Variants in LRP1B observed in about 807,000 individuals in gnomAD.
The protein encoded by LRP1B is low-density lipoprotein receptor-related protein 1B.
Under a neutral mutation model 556.6 loss-of-function variants are expected in LRP1B, and 217 were observed. The observed-to-expected ratio is 0.39, with a 90% CI of 0.35 to 0.44. The LOEUF (loss-of-function observed/expected upper bound fraction) is 0.44, where lower values mean the gene tolerates loss of function less well. Among genes scored for constraint, LRP1B ranks in the 20% least tolerant of loss-of-function variants. The pLI is 1.00. For missense variants in LRP1B, 5,053 were observed against 5,620.8 expected (o/e 0.90, Z 3.23); for synonymous variants, 2,047 against 1,865.8 (o/e 1.10, Z -2.50).
chr2:140,888,246 C>G (rs966359007), intron 23 of LRP1B, among the ~76,000 whole-genome samples: 2 of 152,002 alleles, frequency 1.3e-5, no homozygotes, highest in Non-Finnish European at 2.9e-5. Context: ...CAATTTAGTT[C>G]TGTTTCTTTT....
At chr2:140,475,100 CT>C (rs768858290) in intron 60 of LRP1B, 37 bp downstream of exon 60, 69 of 1,028,086 alleles carry the variant, frequency 6.7e-5, no homozygotes, top group Non-Finnish European at 5.3e-6. Flanking sequence ...ATTTTATGAC[CT>C]GGTAAAATAC....
At chr2:141,659,626 G>A (rs1690137516) in intron 2 of LRP1B, among the ~76,000 whole-genome samples, 1 of 152,224 alleles carries the variant, frequency 6.6e-6, no homozygotes, top group South Asian at 2.1e-4. Context: ...TGAGTCTGAA[G>A]TGGACGACCT....
intron 7 of LRP1B, among the ~76,000 whole-genome samples, chr2:141,075,963 T>G (rs1460685133): frequency 6.6e-6 from 1 of 152,224 alleles, no homozygotes; most frequent in African/African-American, 2.4e-5. Context: ...AATATTGCAG[T>G]GATGATAAAA....
At chr2:141,102,404 T>G (rs1259073590) in intron 7 of LRP1B, among the ~76,000 whole-genome samples, 1 of 152,112 alleles carries the variant, frequency 6.6e-6, no homozygotes. Context: ...ACATCACTTC[T>G]GTCACTGGGA....
chr2:140,259,858 T>C (rs1233837357), intron 86 of LRP1B, among the ~76,000 whole-genome samples: 2 of 151,814 alleles, frequency 1.3e-5, no homozygotes, highest in South Asian at 2.1e-4. Context: ...GAGAGGTCAA[T>C]TGTAGCCATG....
chr2:142,012,148 T>A (rs1702977393), intron 1 of LRP1B, among the ~76,000 whole-genome samples: 1 of 152,102 alleles, frequency 6.6e-6, no homozygotes, highest in Admixed American at 6.5e-5. Context: ...TTAATCAAAT[T>A]TTTAAAACCT....
chr2:140,679,400 T>C (rs1685785354), intron 41 of LRP1B, among the ~76,000 whole-genome samples: 1 of 152,248 alleles, frequency 6.6e-6, no homozygotes, highest in South Asian at 2.1e-4. Flanking sequence ...GAATTATTTC[T>C]AGAGCAGGTT....
At chr2:141,709,389 T>TAA (rs371579825) in intron 2 of LRP1B, among the ~76,000 whole-genome samples, 8,616 of 151,684 alleles carry the variant, frequency 0.057, 306 homozygotes, top group South Asian at 0.11. Context: ...TAAAATAAAA[T>TAA]AAAATAACCC....
At chr2:140,354,704 G>T (rs1410780587) in intron 75 of LRP1B, among the ~76,000 whole-genome samples, 1 of 151,906 alleles carries the variant, frequency 6.6e-6, no homozygotes, top group African/African-American at 2.4e-5. Context: ...CTCATCTCTA[G>T]AAAGCCTGGA....
chr2:140,326,691 C>A (rs868808337), intron 79 of LRP1B, among the ~76,000 whole-genome samples: 3 of 147,764 alleles, frequency 2.0e-5, no homozygotes, highest in Middle Eastern at 3.4e-3. Context: ...GAGTGAGACC[C>A]CCTGCCTCAA....
Position 140,700,413 on chromosome 2 carries a change from T to C in LRP1B, c.6636A>G (p.Ile2212Met), listed in dbSNP as rs2105420639. 2 of 1,613,418 alleles carry C rather than the reference T, an allele frequency of 1.2e-6. No individual in the cohort carries two copies. Among genetic ancestry groups the C allele is most frequent in the Non-Finnish European group, 1.7e-6 (2 of 1,179,568 alleles). ...LSDETNLNSPIRPYENPRYFK... is the reference protein window; with the variant it reads ...LSDETNLNSPMRPYENPRYFK... ...AATAACGTGGATTCTCATATGGCCT[T>C]ATTGGGGAATTTAAATTGGTTTCAT... The change falls in exon 41 of 91, where the codon ATA becomes ATG. Residue 2212 changes from isoleucine (I) to methionine (M), a missense_variant. Around this residue, in one of 5 missense-constraint regions of LRP1B, gnomAD observed 3,619 missense variants for 3,931.9 expected, o/e 0.92. Transcript: ENST00000389484.
At chr2:140,447,304 A>G (rs1056783498) in intron 63 of LRP1B, among the ~76,000 whole-genome samples, 1 of 152,040 alleles carries the variant, frequency 6.6e-6, no homozygotes, top group Non-Finnish European at 1.5e-5. Context: ...CAATCCCACT[A>G]CTAGATATAC....
At chr2:140,965,416 C>T (rs777205721) in intron 18 of LRP1B, among the ~76,000 whole-genome samples, 1 of 151,140 alleles carries the variant, frequency 6.6e-6, no homozygotes, top group Non-Finnish European at 1.5e-5. Context: ...CAAAATAGTA[C>T]AGAAAATCTA....
intron 2 of LRP1B, among the ~76,000 whole-genome samples, chr2:141,576,956 C>A (rs1686775878): frequency 6.6e-6 from 1 of 151,694 alleles, no homozygotes. Context: ...CCATGCCCAG[C>A]CAATCCTCAG....
intron 59 of LRP1B, among the ~76,000 whole-genome samples, chr2:140,481,973 TCA>T (rs1280283621): frequency 1.3e-5 from 2 of 152,174 alleles, no homozygotes; most frequent in Non-Finnish European, 2.9e-5. Flanking sequence ...GAGCACCACG[TCA>T]CTCAGCTACT....
chr2:141,723,861 A>T (rs531635324), intron 2 of LRP1B, among the ~76,000 whole-genome samples: 16 of 150,316 alleles, frequency 1.1e-4, no homozygotes, highest in South Asian at 4.2e-4. Context: ...CAAAAGGAAA[A>T]ATATATATAT....
At chr2:140,741,100 A>G (rs929060513) in intron 35 of LRP1B, among the ~76,000 whole-genome samples, 3 of 152,192 alleles carry the variant, frequency 2.0e-5, no homozygotes, top group African/African-American at 7.2e-5. Flanking sequence ...AAGAAGTTGT[A>G]TCTGTATTAG....
chr2:140,712,444 T>G (rs141792203), intron 37 of LRP1B, among the ~76,000 whole-genome samples: 1 of 152,202 alleles, frequency 6.6e-6, no homozygotes, highest in African/African-American at 2.4e-5. Context: ...TTTCTGTCTG[T>G]GATTCCTCCT....
chr2:141,876,467 T>C (rs1338756956), intron 1 of LRP1B, among the ~76,000 whole-genome samples: 3 of 151,868 alleles, frequency 2.0e-5, no homozygotes, highest in South Asian at 4.1e-4. Flanking sequence ...AAGAGAGACA[T>C]AAGCTGTCCT....
Sources: gnomAD v4.1 joint callset for allele counts (sites outside exome capture counted in the v4.1 genomes callset) on GRCh38, gnomAD v4.1.1 for gene constraint, gnomAD v4.1.1 regional missense constraint, MANE v1.5 for transcripts, NCBI Gene and HGNC (gene_info 2026-07-23, HGNC 2026-07-21) for gene names.